Variants in MED28 observed in about 807,000 individuals in gnomAD.
The protein encoded by MED28 is mediator of RNA polymerase II transcription subunit 28.
Under a neutral mutation model 21.3 loss-of-function variants are expected in MED28, and 26 were observed. The ratio of observed to expected loss-of-function variants is 1.22; its 90% confidence interval spans 0.89 to 1.69. The LOEUF is 1.69. Ranked by LOEUF, MED28 falls within the 40% of genes most tolerant of loss-of-function variation. The pLI is 0.00. For synonymous variants in MED28, 110 were observed against 87.6 expected, an observed-to-expected ratio of 1.26 and a Z score of -1.43; for missense variants, 257 against 215.4, an observed-to-expected ratio of 1.19 and a Z score of -1.21.
Position 17,633,343 on chromosome 4 carries a change from AT to A in MED28, c.*9547del. The stretch of plus-strand genomic sequence containing the variant: ...GTCCTGTGCTAAGCACATCCTATGG[AT>A]TAATTCCTTTAGTCTCACGTCAGTC... On this transcript the variant is annotated 3_prime_UTR_variant, in exon 4 of 4. Transcript: ENST00000237380. 1.6e-5 allele frequency: 3 copies of A among 185,202 alleles called. 1 individual carries two copies. In the South Asian group the frequency reaches 5.6e-4, roughly 35 times the overall value. 11.5% of individuals were successfully genotyped at this position (185,202 alleles called of 1,614,324 possible).
At chr4:17,615,764 C>T (rs1035920684) in intron 1 of MED28, among the ~76,000 whole-genome samples, 1 of 152,126 alleles carries the variant, frequency 6.6e-6, no homozygotes, top group Non-Finnish European at 1.5e-5. Flanking sequence ...GAGCGGAGAC[C>T]GCGCCATTGC....
Position 17,626,530 on chromosome 4 carries a change from G to C in MED28, c.*2732G>C, listed in dbSNP as rs1183500884. On this transcript the variant is annotated 3_prime_UTR_variant, in exon 4 of 4. Coordinates refer to ENST00000237380, the MANE Select transcript of MED28 (RefSeq NM_025205.5). Reference sequence around the variant, plus strand: ...TCTTAAGAAGCCAAGGTTGTCTTGGGTGTGGTAGCTCTTTGAAAGGTAGAA... The same window carrying C: ...TCTTAAGAAGCCAAGGTTGTCTTGGCTGTGGTAGCTCTTTGAAAGGTAGAA... 3 of 152,180 alleles carry C rather than the reference G, an allele frequency of 2.0e-5. No individual in the cohort carries two copies. Among genetic ancestry groups the C allele is most frequent in the Admixed American group, 2.0e-4 (3 of 15,284 alleles). 9.4% of individuals were successfully genotyped at this position (152,180 alleles called of 1,614,324 possible). A position where few individuals can be genotyped will look rare whatever the true frequency, so the allele number is the denominator to read the frequency against.
chr4:17,632,612 C>G lies in MED28; in HGVS notation c.*8814C>G. 6.5e-7 allele frequency: 1 copy of G among 1,549,860 alleles called. No individual in the cohort carries two copies. The highest frequency in any genetic ancestry group is 8.7e-7 in the Non-Finnish European group (1 of 1,146,358). On this transcript the variant is annotated 3_prime_UTR_variant, in exon 4 of 4. Coordinates refer to ENST00000237380, the MANE Select transcript of MED28 (RefSeq NM_025205.5). ...TGGACTTCTTTGGCTTGGGCCGTTT[C>G]ACCATCTGGGGTCCTAAAAGCAAAA... is the stretch of plus-strand genomic sequence containing the variant.
At position 17,629,609 on chromosome 4, in the gene MED28, C is replaced by T. The variant is rs1311713633; in HGVS notation, c.*5811C>T. On this transcript the variant is annotated 3_prime_UTR_variant, in exon 4 of 4. Coordinates refer to ENST00000237380, the MANE Select transcript of MED28 (RefSeq NM_025205.5). ...TAACTCTTCCACCCCTGTCATAATA[C>T]AGCCTGAAGAGATTTACCATTAAAT... The T allele has an allele frequency of 6.6e-6, 1 of 152,180 alleles. No individual in the cohort carries two copies. Among genetic ancestry groups the T allele is most frequent in the Non-Finnish European group, 1.5e-5 (1 of 68,034 alleles). The allele number at this position is 152,180 out of a possible 1,614,324, so 9.4% of individuals were successfully genotyped here. A position where few individuals can be genotyped will look rare whatever the true frequency, so the allele number is the denominator to read the frequency against.
In MED28 at chr4:17,614,701, C is replaced by T. The variant is rs764929246; in HGVS notation, c.47C>T (p.Pro16Leu). 1.9e-6 allele frequency: 3 copies of T among 1,614,062 alleles called. No homozygotes were observed. The highest frequency in any genetic ancestry group is 2.2e-5 in the East Asian group (1 of 44,884). Residue 16 changes from proline (P) to leucine (L), a missense_variant, in exon 1 of 4, where the codon CCC becomes CTC. By Grantham distance (98) the Pro-to-Leu change is moderately conservative. Transcript: ENST00000237380. ...GGMFSGQPPG[P>L]PQAPPGLPGQ... Reference sequence around the variant, plus strand: ...ATGTTTTCTGGGCAGCCACCCGGTCCCCCTCAGGCCCCGCCGGGCCTTCCG... The same window carrying T: ...ATGTTTTCTGGGCAGCCACCCGGTCTCCCTCAGGCCCCGCCGGGCCTTCCG...
At chr4:17,618,346 C>T (rs1356754034) in intron 1 of MED28, among the ~76,000 whole-genome samples, 3 of 152,024 alleles carry the variant, frequency 2.0e-5, no homozygotes, top group East Asian at 3.9e-4. Flanking sequence ...CAGTAAAATT[C>T]TTGAGATGAG....
At position 17,619,984 on chromosome 4, in the gene MED28, T is replaced by G. The variant is rs535235012; in HGVS notation, c.226+17T>G. The G allele has an allele frequency of 1.2e-5, 20 of 1,609,556 alleles. No homozygotes were observed. The East Asian group carries it at 4.0e-4, about 32-fold the overall frequency. ...TTCGAACCGGTAAGCATTCCCTCTG[T>G]GTACACAATGTTCTGGGCTTCAGCA... On this transcript the variant is annotated intron_variant, in intron 2 of 3. Transcript: ENST00000237380.
In MED28 at chr4:17,629,818, A is replaced by C. The variant is rs919971323; in HGVS notation, c.*6020A>C. 1 of 152,220 alleles carries C rather than the reference A, an allele frequency of 6.6e-6. No homozygotes were observed. The highest frequency in any genetic ancestry group is 2.4e-5 in the African/African-American group (1 of 41,456). 9.4% of individuals were successfully genotyped at this position (152,220 alleles called of 1,614,324 possible). On this transcript the variant is annotated 3_prime_UTR_variant, in exon 4 of 4. Coordinates refer to ENST00000237380, the MANE Select transcript of MED28 (RefSeq NM_025205.5). ...ATTGTATTTCTTTGTCAATAGTGTT[A>C]GGGCACAGTAGGTTCATTTACTGCT...
chr4:17,633,926 C>A lies in MED28; in HGVS notation c.*10128C>A. 3 of 1,305,360 alleles carry A rather than the reference C, an allele frequency of 2.3e-6. No individual in the cohort carries two copies. Among genetic ancestry groups the A allele is most frequent in the Admixed American group, 4.3e-5 (1 of 23,202 alleles). 80.9% of individuals were successfully genotyped at this position (1,305,360 alleles called of 1,614,324 possible). A position where few individuals can be genotyped will look rare whatever the true frequency, so the allele number is the denominator to read the frequency against. On this transcript the variant is annotated 3_prime_UTR_variant, in exon 4 of 4. Coordinates refer to ENST00000237380, the MANE Select transcript of MED28 (RefSeq NM_025205.5). ...ATGGACAGGTTAGTGCAATGCAATG[C>A]AAAAAACAAAATAAAGCATTATTGT...
chr4:17,620,394 A>G (rs1218381638), intron 2 of MED28, among the ~76,000 whole-genome samples: 1 of 141,690 alleles, frequency 7.1e-6, no homozygotes, highest in African/African-American at 2.6e-5. Context: ...CTTGTCGCCC[A>G]GGCTGGAGTG....
At position 17,633,987 on chromosome 4, in the gene MED28, C is replaced by G; in HGVS notation, c.*10189C>G. On this transcript the variant is annotated 3_prime_UTR_variant, in exon 4 of 4. Coordinates refer to ENST00000237380, the MANE Select transcript of MED28 (RefSeq NM_025205.5). Reference sequence around the variant, plus strand: ...AATGCTCACCCAATCAAAATTGTATCGGAGAAGAAGCAACAATTTCATTTA... The same window carrying G: ...AATGCTCACCCAATCAAAATTGTATGGGAGAAGAAGCAACAATTTCATTTA... 2.1e-6 allele frequency: 2 copies of G among 960,298 alleles called. No individual in the cohort carries two copies. The highest frequency in any genetic ancestry group is 2.8e-6 in the Non-Finnish European group (2 of 707,248). 59.5% of individuals were successfully genotyped at this position (960,298 alleles called of 1,614,324 possible). A position where few individuals can be genotyped will look rare whatever the true frequency, so the allele number is the denominator to read the frequency against.
At position 17,633,725 on chromosome 4, in the gene MED28, T is replaced by C; in HGVS notation, c.*9927T>C. On this transcript the variant is annotated 3_prime_UTR_variant, in exon 4 of 4. Transcript: ENST00000237380. ...TTTTGCATCTGTAGACTGGTTGGGT[T>C]TGTAGGTCCGGCCACAGCTGGGGCT... 6.5e-7 allele frequency: 1 copy of C among 1,549,152 alleles called. No homozygotes were observed.
intron 1 of MED28, among the ~76,000 whole-genome samples, chr4:17,615,758 G>A (rs905257516): frequency 1.3e-5 from 2 of 152,084 alleles, no homozygotes; most frequent in African/African-American, 2.4e-5. Context: ...TGCAGTGAGC[G>A]GAGACCGCGC....
chr4:17,622,352 A>T (rs1714661248), intron 3 of MED28, among the ~76,000 whole-genome samples: 1 of 152,194 alleles, frequency 6.6e-6, no homozygotes, highest in Non-Finnish European at 1.5e-5. Context: ...AACTAGTCCC[A>T]ATTAATCAAA....
rs1171409427 is a variant in MED28 at position 17,625,606 on chromosome 4, T to C, written c.*1808T>C. 3 of 438,678 alleles carry C rather than the reference T, an allele frequency of 6.8e-6. No homozygotes were observed. The highest frequency in any genetic ancestry group is 4.1e-5 in the African/African-American group (2 of 49,324). 27.2% of individuals were successfully genotyped at this position (438,678 alleles called of 1,614,324 possible). ...AGTTGTTGCCATTTCTTTATTAAAT[T>C]CAGAAGTTTTTTTGCCAAATAACAA... is the stretch of plus-strand genomic sequence containing the variant. On this transcript the variant is annotated 3_prime_UTR_variant, in exon 4 of 4. Coordinates refer to ENST00000237380, the MANE Select transcript of MED28 (RefSeq NM_025205.5).
intron 1 of MED28, among the ~76,000 whole-genome samples, chr4:17,618,211 G>A (rs1054683525): frequency 6.6e-6 from 1 of 151,884 alleles, no homozygotes; most frequent in South Asian, 2.1e-4. Flanking sequence ...GTTTCACCAC[G>A]TTGCCCATGC....
Position 17,633,763 on chromosome 4 carries a change from G to T in MED28, c.*9965G>T, listed in dbSNP as rs1375098124. 2 of 1,551,266 alleles carry T rather than the reference G, an allele frequency of 1.3e-6. No individual in the cohort carries two copies. On this transcript the variant is annotated 3_prime_UTR_variant, in exon 4 of 4. Coordinates refer to ENST00000237380, the MANE Select transcript of MED28 (RefSeq NM_025205.5). ...CACAGCTGGGGCTTGGGTCCAAGCT[G>T]GGTGATGTAGTTATTGGAGGGGCAT...
rs924613784 is a variant in MED28 at position 17,624,600 on chromosome 4, G to GCTAA, written c.*803_*806dup. On this transcript the variant is annotated 3_prime_UTR_variant, in exon 4 of 4. Transcript: ENST00000237380. ...TGGGGTCATAGGTGAGCTGTGAGGGGCTAAATCTTGCTCTGATTGTCTCTT... is the reference window on the plus strand; with the variant it reads ...TGGGGTCATAGGTGAGCTGTGAGGGGCTAACTAAATCTTGCTCTGATTGTCTCTT... The GCTAA allele has an allele frequency of 6.6e-6, 1 of 152,092 alleles. No individual in the cohort carries two copies. The highest frequency in any genetic ancestry group is 1.5e-5 in the Non-Finnish European group (1 of 68,032). 9.4% of individuals were successfully genotyped at this position (152,092 alleles called of 1,614,324 possible).
Position 17,633,925 on chromosome 4 carries a change from G to T in MED28, c.*10127G>T, listed in dbSNP as rs1447385028. The T allele has an allele frequency of 7.6e-7, 1 of 1,322,738 alleles. No homozygotes were observed. The highest frequency in any genetic ancestry group is 9.8e-7 in the Non-Finnish European group (1 of 1,020,566). 81.9% of individuals were successfully genotyped at this position (1,322,738 alleles called of 1,614,324 possible). A position where few individuals can be genotyped will look rare whatever the true frequency, so the allele number is the denominator to read the frequency against. On this transcript the variant is annotated 3_prime_UTR_variant, in exon 4 of 4. Transcript: ENST00000237380. Reference sequence around the variant, plus strand: ...AATGGACAGGTTAGTGCAATGCAATGCAAAAAACAAAATAAAGCATTATTG... The same window carrying T: ...AATGGACAGGTTAGTGCAATGCAATTCAAAAAACAAAATAAAGCATTATTG...
Sources: gnomAD v4.1 joint callset for allele counts (sites outside exome capture counted in the v4.1 genomes callset) on GRCh38, gnomAD v4.1.1 for gene constraint, MANE v1.5 for transcripts, NCBI Gene and HGNC (gene_info 2026-07-23, HGNC 2026-07-21) for gene names.